Variants in FHIT observed in about 807,000 individuals in gnomAD.
The protein encoded by FHIT is fragile histidine triad diadenosine triphosphatase.
FHIT carries 19 observed loss-of-function variants against 17.9 expected under a neutral mutation model. The observed-to-expected ratio is 1.06, with a 90% CI of 0.74 to 1.56. The LOEUF (loss-of-function observed/expected upper bound fraction) is 1.56. Among genes scored for constraint, FHIT ranks in the 40% most tolerant of loss-of-function variants. The pLI is 0.00. For missense variants in FHIT, 248 were observed against 189.2 expected (o/e 1.31, Z -1.82); for synonymous variants, 81 against 69.7 (o/e 1.16, Z -0.81).
chr3:60,865,825 T>A (rs1237051700), intron 3 of FHIT, among the ~76,000 whole-genome samples: 5 of 152,204 alleles, frequency 3.3e-5, no homozygotes, highest in African/African-American at 1.2e-4. Flanking sequence ...ATCTATTTCT[T>A]CTTAAGTAGC....
At chr3:61,022,341 G>A (rs1409813394) in intron 3 of FHIT, among the ~76,000 whole-genome samples, 1 of 152,194 alleles carries the variant, frequency 6.6e-6, no homozygotes, top group Non-Finnish European at 1.5e-5. Flanking sequence ...CTGTAATTGA[G>A]GCAGTAATTA....
chr3:61,092,771 GT>G (rs2035525397), intron 2 of FHIT, among the ~76,000 whole-genome samples: 1 of 152,124 alleles, frequency 6.6e-6, no homozygotes, highest in Admixed American at 6.5e-5. Flanking sequence ...GCAACATTTT[GT>G]TTTGGTAATT....
intron 4 of FHIT, among the ~76,000 whole-genome samples, chr3:60,541,301 A>C (rs2036178233): frequency 6.6e-6 from 1 of 152,166 alleles, no homozygotes; most frequent in Non-Finnish European, 1.5e-5. Flanking sequence ...AGATATTTGG[A>C]GTTAGCTATT....
chr3:60,692,708 A>C (rs142545091), intron 4 of FHIT, among the ~76,000 whole-genome samples: 288 of 152,260 alleles, frequency 1.9e-3, no homozygotes, highest in Non-Finnish European at 3.4e-3. Flanking sequence ...TAAAATAATA[A>C]ATCTATGTCA....
intron 3 of FHIT, among the ~76,000 whole-genome samples, chr3:60,964,126 G>T (rs1171983395): frequency 6.6e-6 from 1 of 152,168 alleles, no homozygotes; most frequent in African/African-American, 2.4e-5. Flanking sequence ...TGTATTGGGT[G>T]CATATATATT....
At chr3:60,594,473 G>A (rs189339258) in intron 4 of FHIT, among the ~76,000 whole-genome samples, 49 of 152,210 alleles carry the variant, frequency 3.2e-4, no homozygotes, top group African/African-American at 1.1e-3. Flanking sequence ...TTCCCCAAGT[G>A]TTGCCCCCTG....
At chr3:60,017,017 G>A (rs1700368970) in intron 5 of FHIT, among the ~76,000 whole-genome samples, 1 of 152,086 alleles carries the variant, frequency 6.6e-6, no homozygotes, top group South Asian at 2.1e-4. Flanking sequence ...CTCAAAATGA[G>A]ATTAAAACTA....
At chr3:60,059,986 TTTTTG>T (rs1474187314) in intron 5 of FHIT, among the ~76,000 whole-genome samples, 3 of 152,206 alleles carry the variant, frequency 2.0e-5, no homozygotes, top group African/African-American at 4.8e-5. Flanking sequence ...GAGTTGTTGT[TTTTTG>T]TTTTGTTTTG....
chr3:59,952,724 T>C (rs185715166), intron 7 of FHIT, among the ~76,000 whole-genome samples: 2 of 152,276 alleles, frequency 1.3e-5, no homozygotes, highest in Non-Finnish European at 2.9e-5. Context: ...AAAGTCTAAT[T>C]TCTTTTTCTT....
At chr3:60,023,090 G>A (rs988502844) in intron 5 of FHIT, among the ~76,000 whole-genome samples, 1 of 152,186 alleles carries the variant, frequency 6.6e-6, no homozygotes, top group Non-Finnish European at 1.5e-5. Flanking sequence ...AATGCTCTTA[G>A]GAGTTAAGAC....
intron 4 of FHIT, among the ~76,000 whole-genome samples, chr3:60,596,466 C>G (rs1194171407): frequency 6.6e-6 from 1 of 152,164 alleles, no homozygotes; most frequent in African/African-American, 2.4e-5. Context: ...TCAGTCTCAT[C>G]TGCAATGGAA....
At chr3:61,157,705 C>G (rs1172206576) in intron 2 of FHIT, among the ~76,000 whole-genome samples, 1 of 152,140 alleles carries the variant, frequency 6.6e-6, no homozygotes, top group Non-Finnish European at 1.5e-5. Flanking sequence ...TGTTTATGTT[C>G]TAGTTGCCAG....
chr3:60,000,711 C>T (rs1188563875), intron 7 of FHIT, among the ~76,000 whole-genome samples: 1 of 151,944 alleles, frequency 6.6e-6, no homozygotes, highest in Non-Finnish European at 1.5e-5. Flanking sequence ...TTTAGGAAAC[C>T]TATCATAAGC....
intron 3 of FHIT, among the ~76,000 whole-genome samples, chr3:60,842,614 CAT>C (rs1373895016): frequency 3.5e-5 from 4 of 115,336 alleles, no homozygotes. Context: ...TATATATATA[CAT>C]ATATATATGA....
intron 5 of FHIT, among the ~76,000 whole-genome samples, chr3:60,421,724 T>C (rs565239103): frequency 6.6e-6 from 1 of 152,232 alleles, no homozygotes; most frequent in Non-Finnish European, 1.5e-5. Flanking sequence ...TCCCTATTAA[T>C]ATCAATTTGC....
At chr3:60,018,161 G>C (rs1700416121) in intron 5 of FHIT, among the ~76,000 whole-genome samples, 1 of 152,202 alleles carries the variant, frequency 6.6e-6, no homozygotes, top group Non-Finnish European at 1.5e-5. Flanking sequence ...AGGGAAAACA[G>C]TTTGCAGAGA....
At chr3:61,053,664 G>GCAA (rs553280625) in intron 2 of FHIT, among the ~76,000 whole-genome samples, 25 of 149,642 alleles carry the variant, frequency 1.7e-4, no homozygotes, top group Non-Finnish European at 3.1e-4. Context: ...TCCGTCTCAA[G>GCAA]AAAAAAAAAA....
intron 8 of FHIT, among the ~76,000 whole-genome samples, chr3:59,858,881 G>A (rs1487745421): frequency 1.3e-5 from 2 of 152,174 alleles, no homozygotes; most frequent in African/African-American, 2.4e-5. Context: ...TGGCTTATGT[G>A]TAAACATATA....
chr3:61,134,401 A>G (rs1015372993), intron 2 of FHIT, among the ~76,000 whole-genome samples: 5 of 152,242 alleles, frequency 3.3e-5, no homozygotes, highest in Admixed American at 6.5e-5. Context: ...ACTATGGTCC[A>G]AGCATTCTAT....
Sources: gnomAD v4.1 joint callset for allele counts (sites outside exome capture counted in the v4.1 genomes callset) on GRCh38, gnomAD v4.1.1 for gene constraint, MANE v1.5 for transcripts, NCBI Gene and HGNC (gene_info 2026-07-23, HGNC 2026-07-21) for gene names.